The following FBXO15 variants were observed in gnomAD, a reference collection of about 807,000 sequenced individuals.
FBXO15 encodes F-box only protein 15.
Under a neutral mutation model 49.5 loss-of-function variants are expected in FBXO15, and 30 were observed. The observed-to-expected ratio is 0.61, with a 90% CI of 0.45 to 0.82. The LOEUF is 0.82. Ranked by LOEUF, FBXO15 falls within the 40% of genes least tolerant of loss-of-function variation. FBXO15 has a pLI of 0.00. For missense variants in FBXO15, 591 were observed against 631.5 expected, an observed-to-expected ratio of 0.94 and a Z score of 0.69; for synonymous variants, 250 against 232.7, an observed-to-expected ratio of 1.07 and a Z score of -0.68.
chr18:74,113,890 C>G (rs1356127469), intron 8 of FBXO15, among the ~76,000 whole-genome samples: 3 of 152,242 alleles, frequency 2.0e-5, no homozygotes, highest in Non-Finnish European at 4.4e-5. Flanking sequence ...CCTGTCTTCT[C>G]TTTCACAGGG....
chr18:74,144,590 A>G (rs1179504756), intron 1 of FBXO15, among the ~76,000 whole-genome samples: 1 of 152,174 alleles, frequency 6.6e-6, no homozygotes, highest in Non-Finnish European at 1.5e-5. Context: ...AGCAAACTCA[A>G]AATTTCTTAG....
intron 8 of FBXO15, among the ~76,000 whole-genome samples, chr18:74,086,375 T>C (rs1912737091): frequency 6.6e-6 from 1 of 152,324 alleles, no homozygotes; most frequent in Admixed American, 6.5e-5. Context: ...TAACTTGTTT[T>C]TCATACCCTT....
At chr18:74,133,391 G>A (rs1408168165) in intron 3 of FBXO15, among the ~76,000 whole-genome samples, 1 of 152,146 alleles carries the variant, frequency 6.6e-6, no homozygotes, top group Non-Finnish European at 1.5e-5. Flanking sequence ...GTGAAGTGGA[G>A]AGAGAAGACA....
At position 74,112,213 on chromosome 18, in the gene FBXO15, G is replaced by A. The variant is rs207476957; in HGVS notation, c.1138+11155C>T. Among the ~76,000 whole-genome samples the A allele has an allele frequency of 5.3e-5, 8 of 152,056 alleles. No individual in the cohort carries two copies. The East Asian group carries it at 5.8e-4, about 11-fold the overall frequency. On this transcript the variant is annotated intron_variant, in intron 8 of 9. Transcript: ENST00000419743. ...ATGAGGCCAGCTTTGCTCTAATTTC[G>A]AAACCAAAAACATTGCAAGAAAAGA... is the stretch of plus-strand genomic sequence containing the variant.
chr18:74,111,329 TA>T lies in FBXO15; in HGVS notation c.1138+12038del, dbSNP rs573323552. On this transcript the variant is annotated intron_variant, in intron 8 of 9. Coordinates refer to ENST00000419743, the MANE Select transcript of FBXO15 (RefSeq NM_001142958.2). Reference sequence around the variant, plus strand: ...AACAAATTTACAAGACTGGAAATCATACAACGTCTGCAAACTGATACAATTA... The same window carrying T: ...AACAAATTTACAAGACTGGAAATCATCAACGTCTGCAAACTGATACAATTA... 1.0e-4 allele frequency among the ~76,000 whole-genome samples: 15 copies of T among 147,862 alleles called. No individual in the cohort carries two copies. The East Asian group carries it at 2.9e-3, about 29-fold the overall frequency.
chr18:74,142,530 G>C (rs1979144642), intron 1 of FBXO15, among the ~76,000 whole-genome samples: 1 of 152,300 alleles, frequency 6.6e-6, no homozygotes, highest in East Asian at 1.9e-4. Context: ...AGGCTCTAGA[G>C]AGGATCATTC....
intron 8 of FBXO15, among the ~76,000 whole-genome samples, chr18:74,119,044 C>A (rs1002444037): frequency 6.6e-6 from 1 of 152,164 alleles, no homozygotes; most frequent in African/African-American, 2.4e-5. Context: ...TGGGGCCTCC[C>A]CAGGCCCTGG....
chr18:74,132,673 C>T (rs143456043), intron 3 of FBXO15, among the ~76,000 whole-genome samples: 150 of 152,314 alleles, frequency 9.8e-4, no homozygotes, highest in African/African-American at 3.5e-3. Flanking sequence ...CCCAAATGCT[C>T]CATCCTGTTA....
chr18:74,093,271 G>GA (rs936014055), intron 8 of FBXO15, among the ~76,000 whole-genome samples: 10 of 150,438 alleles, frequency 6.6e-5, no homozygotes, highest in Admixed American at 3.3e-4. Context: ...AATGGGGGGG[G>GA]GGTGGCTGCA....
intron 2 of FBXO15, among the ~76,000 whole-genome samples, chr18:74,139,133 T>C (rs10514112): frequency 0.087 from 13,290 of 152,218 alleles, 811 homozygotes; most frequent in Admixed American, 0.2. Flanking sequence ...TCATCTTAAA[T>C]GCGCCTCCTG....
At chr18:74,082,186 C>A in intron 8 of FBXO15, 135 bp from the exon 9 acceptor site, 1 of 698,490 alleles carries the variant, frequency 1.4e-6, no homozygotes, top group Non-Finnish European at 2.2e-6. Context: ...AACATGGGCA[C>A]AGCAATCCCA....
chr18:74,106,882 C>T (rs1027509009), intron 8 of FBXO15, among the ~76,000 whole-genome samples: 8 of 151,858 alleles, frequency 5.3e-5, no homozygotes, highest in Admixed American at 2.6e-4. Flanking sequence ...TTATAAAAAA[C>T]CCAAACAATG....
chr18:74,100,723 G>A (rs1299539858), intron 8 of FBXO15, among the ~76,000 whole-genome samples: 1 of 152,106 alleles, frequency 6.6e-6, no homozygotes, highest in African/African-American at 2.4e-5. Context: ...TGAAATGGGA[G>A]ATATTACAAC....
intron 8 of FBXO15, among the ~76,000 whole-genome samples, chr18:74,110,383 A>G (rs1913969301): frequency 6.6e-6 from 1 of 151,850 alleles, no homozygotes; most frequent in Admixed American, 6.6e-5. Context: ...CAACCACTAT[A>G]CAAGTTTAAA....
intron 8 of FBXO15, among the ~76,000 whole-genome samples, chr18:74,118,409 T>TAC (rs1914326150): frequency 7.2e-6 from 1 of 137,980 alleles, no homozygotes; most frequent in Admixed American, 7.2e-5. Flanking sequence ...TACACATATA[T>TAC]ACACATATAT....
At chr18:74,139,666 T>C (rs945288421) in intron 2 of FBXO15, among the ~76,000 whole-genome samples, 11 of 152,360 alleles carry the variant, frequency 7.2e-5, no homozygotes, top group Non-Finnish European at 1.5e-4. Flanking sequence ...TCTCAAGCTT[T>C]CAGGCTCCCC....
chr18:74,123,236 G>C, intron 8 of FBXO15, 132 bp downstream of exon 8: 4 of 959,504 alleles, frequency 4.2e-6, no homozygotes, highest in Non-Finnish European at 6.3e-6. Flanking sequence ...ATGACACACG[G>C]GTCTGGGAGG....
chr18:74,144,444 AAAG>A (rs1411245894), intron 1 of FBXO15, among the ~76,000 whole-genome samples: 1 of 152,130 alleles, frequency 6.6e-6, no homozygotes, highest in Admixed American at 6.5e-5. Context: ...GTCACATGCA[AAAG>A]AAGGCCAGGG....
intron 3 of FBXO15, among the ~76,000 whole-genome samples, chr18:74,131,070 C>T (rs1439133601): frequency 6.6e-6 from 1 of 152,150 alleles, no homozygotes; most frequent in African/African-American, 2.4e-5. Flanking sequence ...TATGTACACA[C>T]ACCAAGAAAT....
Sources: allele counts gnomAD v4.1 joint callset (sites outside exome capture counted in the v4.1 genomes callset), GRCh38; gene constraint gnomAD v4.1.1; transcripts MANE v1.5; gene names NCBI Gene and HGNC (gene_info 2026-07-23, HGNC 2026-07-21).